The following ONECUT3 variants were observed in gnomAD, a reference collection of about 807,000 sequenced individuals.
The protein encoded by ONECUT3 is one cut domain family member 3.
A neutral mutation model predicts 16.8 loss-of-function variants in ONECUT3; 11 were observed. That is an observed-to-expected ratio of 0.66 (90% CI 0.41 to 1.09). The LOEUF (loss-of-function observed/expected upper bound fraction) is 1.09. ONECUT3 is among the 50% of genes least tolerant of loss of function. The pLI, the probability that ONECUT3 is intolerant of heterozygous loss-of-function variation, is 0.00. For missense variants in ONECUT3, 637 were observed against 629.9 expected, an observed-to-expected ratio of 1.01 and a Z score of -0.12; for synonymous variants, 344 against 310.7, an observed-to-expected ratio of 1.11 and a Z score of -1.13.
chr19:1,777,455 CACACATGCAGAT>C lies in ONECUT3; in HGVS notation c.*2020_*2031del, dbSNP rs1182652635. 2.0e-4 allele frequency: 29 copies of C among 148,388 alleles called. No individual in the cohort carries two copies. Among genetic ancestry groups the C allele is most frequent in the African/African-American group, 7.3e-4 (28 of 38,198 alleles). The allele number at this position is 148,388 out of a possible 1,614,324, so 9.2% of individuals were successfully genotyped here. On this transcript the variant is annotated 3_prime_UTR_variant, in exon 2 of 2. Transcript: ENST00000382349. ...AGGCACACGCAGACGCACACAGAGA[CACACATGCAGAT>C]ACACATGCACACACACATACACACA...
At chr19:1,768,231 G>T (rs2068011422) in intron 1 of ONECUT3, among the ~76,000 whole-genome samples, 1 of 151,508 alleles carries the variant, frequency 6.6e-6, no homozygotes, top group South Asian at 2.1e-4. Context: ...GGGTGTTGGG[G>T]TAGCCTCGCA....
In ONECUT3 at chr19:1,769,701, C is replaced by T. The variant is rs547264516; in HGVS notation, c.1193-5452C>T. On this transcript the variant is annotated intron_variant, in intron 1 of 1. Coordinates refer to ENST00000382349, the MANE Select transcript of ONECUT3 (RefSeq NM_001080488.2). ...CCCCTACTCCAACTCACACCTCTGT[C>T]AGCGGCTGTGGGGGATGGGAGCAAT... Among the ~76,000 whole-genome samples the T allele has an allele frequency of 2.6e-5, 4 of 152,044 alleles. No homozygotes were observed. In the South Asian group the frequency reaches 8.3e-4, roughly 32 times the overall value.
intron 1 of ONECUT3, among the ~76,000 whole-genome samples, chr19:1,772,356 T>TA (rs2068063037): frequency 6.6e-6 from 1 of 151,506 alleles, no homozygotes; most frequent in Non-Finnish European, 1.5e-5. Context: ...AAGAGAGTCT[T>TA]ACTCTGTCAC....
rs1046268026 is a variant in ONECUT3 at position 1,775,141 on chromosome 19, G to T, written c.1193-12G>T. 1.4e-6 allele frequency: 1 copy of T among 706,510 alleles called. No individual in the cohort carries two copies. The allele number at this position is 706,510 out of a possible 1,614,324, so 43.8% of individuals were successfully genotyped here. On this transcript the variant is annotated splice_polypyrimidine_tract_variant and intron_variant, in intron 1 of 1. Transcript: ENST00000382349. ...TGTCCCGCTCGCCCGCCCGCCCGCC[G>T]CTCGCCCGCAGCCTGCAAGCGCAAG...
In ONECUT3 at chr19:1,774,861, C is replaced by T. The variant is rs566844338; in HGVS notation, c.1193-292C>T. 1.1e-3 allele frequency among the ~76,000 whole-genome samples: 173 copies of T among 151,876 alleles called. 2 individuals carry two copies. The highest frequency in any genetic ancestry group is 3.7e-3 in the African/African-American group (155 of 41,410). On this transcript the variant is annotated intron_variant, in intron 1 of 1. Coordinates refer to ENST00000382349, the MANE Select transcript of ONECUT3 (RefSeq NM_001080488.2). ...TCCTCGCCTTCCATTCTGTCTCCAC[C>T]GCCCTCTGGCTGCATCCTGGACTTT...
In ONECUT3 at chr19:1,754,781, C is replaced by T; in HGVS notation, c.1119C>T (p.Arg373=). Residue 373 remains arginine (R), a synonymous_variant, in exon 1 of 2, where the codon CGC becomes CGT. Transcript: ENST00000382349. This position sits in a 1 kb window ranked among gnomAD's most constrained non-coding sequence, Gnocchi z 7.4. ...PKPWSKLKSG[R]ETFRRMWKWL... ...CGTGGAGCAAGCTCAAATCCGGCCG[C>T]GAGACCTTCCGCAGGATGTGGAAGT... The T allele has an allele frequency of 6.4e-7, 1 of 1,564,084 alleles. No individual in the cohort carries two copies. Among genetic ancestry groups the T allele is most frequent in the Non-Finnish European group, 8.6e-7 (1 of 1,156,868 alleles).
At chr19:1,769,996 T>G (rs1442263769) in intron 1 of ONECUT3, among the ~76,000 whole-genome samples, 2 of 152,122 alleles carry the variant, frequency 1.3e-5, no homozygotes, top group Non-Finnish European at 2.9e-5. Context: ...GCCAGTGGAC[T>G]CTGTTTTCTG....
intron 1 of ONECUT3, among the ~76,000 whole-genome samples, chr19:1,760,029 C>T (rs1279372768): frequency 6.6e-6 from 1 of 152,214 alleles, no homozygotes. Context: ...GCCTCCCGTG[C>T]AGAGGGGGAG....
chr19:1,773,442 C>A (rs896105105), intron 1 of ONECUT3, among the ~76,000 whole-genome samples: 7 of 152,198 alleles, frequency 4.6e-5, no homozygotes, highest in East Asian at 1.9e-4. Flanking sequence ...GACGGGTGAA[C>A]CTGTTGTCCC....
chr19:1,773,585 G>A (rs1224204757), intron 1 of ONECUT3, among the ~76,000 whole-genome samples: 5 of 152,208 alleles, frequency 3.3e-5, no homozygotes, highest in South Asian at 2.1e-4. Flanking sequence ...AGTAGGCCAC[G>A]ACGGCTGGCA....
chr19:1,756,086 G>A (rs956293574), intron 1 of ONECUT3, among the ~76,000 whole-genome samples: 1 of 151,838 alleles, frequency 6.6e-6, no homozygotes, highest in African/African-American at 2.4e-5. Flanking sequence ...GCTTGCGGCT[G>A]TGCCCCCAGG....
At position 1,759,572 on chromosome 19, in the gene ONECUT3, C is replaced by T. The variant is rs928204119; in HGVS notation, c.1192+4718C>T. 1.3e-5 allele frequency among the ~76,000 whole-genome samples: 2 copies of T among 152,082 alleles called. No individual in the cohort carries two copies. Among genetic ancestry groups the T allele is most frequent in the African/African-American group, 4.8e-5 (2 of 41,410 alleles). On this transcript the variant is annotated intron_variant, in intron 1 of 1. Coordinates refer to ENST00000382349, the MANE Select transcript of ONECUT3 (RefSeq NM_001080488.2). The surrounding 1 kb of genome is among the most constrained non-coding windows in gnomAD (Gnocchi z 4.1). ...GTGCCTTTTGCAAAAACCCCACTTT[C>T]CACTGCAAGGGGTCCACGCCTCTTA...
intron 1 of ONECUT3, among the ~76,000 whole-genome samples, chr19:1,757,429 G>A (rs1251075352): frequency 6.6e-6 from 1 of 152,238 alleles, no homozygotes; most frequent in African/African-American, 2.4e-5. Context: ...CCGTCTCAGG[G>A]GTGCGTGGGG....
In ONECUT3 at chr19:1,776,622, C is replaced by G. The variant is rs1309144759; in HGVS notation, c.*1177C>G. ...GGGTCGGAAATGAAGATGAGCGCCC[C>G]CCTCCCACCCCGCGCTCTCCCCCGC... On this transcript the variant is annotated 3_prime_UTR_variant, in exon 2 of 2. Coordinates refer to ENST00000382349, the MANE Select transcript of ONECUT3 (RefSeq NM_001080488.2). The surrounding 1 kb of genome is among the most constrained non-coding windows in gnomAD (Gnocchi z 4.9). 1 of 151,692 alleles carries G rather than the reference C, an allele frequency of 6.6e-6. No homozygotes were observed. The highest frequency in any genetic ancestry group is 1.5e-5 in the Non-Finnish European group (1 of 67,910). 9.4% of individuals were successfully genotyped at this position (151,692 alleles called of 1,614,324 possible). A position where few individuals can be genotyped will look rare whatever the true frequency, so the allele number is the denominator to read the frequency against.
At chr19:1,760,544 A>T (rs1325779542) in intron 1 of ONECUT3, among the ~76,000 whole-genome samples, 4 of 151,822 alleles carry the variant, frequency 2.6e-5, no homozygotes, top group Non-Finnish European at 5.9e-5. Context: ...AGGGGTGGTG[A>T]GGCCTGCGCT....
rs115513024 is a variant in ONECUT3 at position 1,769,540 on chromosome 19, C to T, written c.1193-5613C>T. Among the ~76,000 whole-genome samples, 797 of 152,000 alleles carry T rather than the reference C, an allele frequency of 5.2e-3. 7 individuals carry two copies. The highest frequency in any genetic ancestry group is 0.018 in the African/African-American group (750 of 41,424). ...TTCTGCACAAGGGGTCCATAACCAC[C>T]ATGGCCTCTGGGTTGGCACAGGGGT... On this transcript the variant is annotated intron_variant, in intron 1 of 1. Coordinates refer to ENST00000382349, the MANE Select transcript of ONECUT3 (RefSeq NM_001080488.2).
In ONECUT3 at chr19:1,753,853, G is replaced by A. The variant is rs1334516628; in HGVS notation, c.191G>A (p.Gly64Asp). 6 of 973,032 alleles carry A rather than the reference G, an allele frequency of 6.2e-6. No individual in the cohort carries two copies. The highest frequency in any genetic ancestry group is 3.6e-5 in the African/African-American group (2 of 56,144). 60.3% of individuals were successfully genotyped at this position (973,032 alleles called of 1,614,324 possible). A position where few individuals can be genotyped will look rare whatever the true frequency, so the allele number is the denominator to read the frequency against. Residue 64 changes from glycine (G) to aspartate (D), a missense_variant, in exon 1 of 2, where the codon GGC becomes GAC. Gly to Asp is a moderately conservative substitution (Grantham distance 94, BLOSUM62 -1). Coordinates refer to ENST00000382349, the MANE Select transcript of ONECUT3 (RefSeq NM_001080488.2). The stretch of plus-strand genomic sequence containing the variant: ...GGCGGCGGCGGCGGCGGCGGTGGGG[G>A]CGCCGGGGGCGCGGGCGGCGCGGGC... Reference protein sequence around the residue: ...LDGGGGGGGGGAGGAGGAGSA... With the variant: ...LDGGGGGGGGDAGGAGGAGSA...
intron 1 of ONECUT3, among the ~76,000 whole-genome samples, chr19:1,757,803 G>A (rs1048562324): frequency 1.3e-5 from 2 of 152,222 alleles, no homozygotes; most frequent in African/African-American, 4.8e-5. Flanking sequence ...GAGACGGCCG[G>A]ATGCGTCCCC....
At chr19:1,768,389 G>C (rs1230417388) in intron 1 of ONECUT3, among the ~76,000 whole-genome samples, 3 of 152,156 alleles carry the variant, frequency 2.0e-5, no homozygotes, top group Admixed American at 2.0e-4. Flanking sequence ...GGCGGCTGGT[G>C]GTGGATGGGG....
Sources: gnomAD v4.1 joint callset for allele counts (sites outside exome capture counted in the v4.1 genomes callset) on GRCh38, gnomAD v4.1.1 for gene constraint, Gnocchi (gnomAD v3.1) non-coding constraint, MANE v1.5 for transcripts, NCBI Gene and HGNC (gene_info 2026-07-23, HGNC 2026-07-21) for gene names.